The following RAPGEF6 variants were observed in gnomAD, a reference collection of about 807,000 sequenced individuals.
The protein encoded by RAPGEF6 is PDZ domain containing guanine nucleotide exchange factor (GEF) 2.
In RAPGEF6, 56 loss-of-function variants were observed where a neutral mutation model predicts 171.4. The ratio of observed to expected loss-of-function variants is 0.33; its 90% confidence interval spans 0.26 to 0.41. The LOEUF (loss-of-function observed/expected upper bound fraction) is 0.41, where lower values mean the gene tolerates loss of function less well. Among genes scored for constraint, RAPGEF6 ranks in the 10% least tolerant of loss-of-function variants. The probability of loss-of-function intolerance (pLI) is 1.00; values close to 1 mark genes in which losing one functional copy is unlikely to be tolerated. For missense variants in RAPGEF6, 1,674 were observed against 1,921.4 expected (o/e 0.87, Z 2.41); for synonymous variants, 692 against 650.1 (o/e 1.06, Z -0.98).
intron 6 of RAPGEF6, among the ~76,000 whole-genome samples, chr5:131,525,211 A>G (rs932812240): frequency 1.3e-5 from 2 of 152,204 alleles, no homozygotes; most frequent in Admixed American, 1.3e-4. Flanking sequence ...TAATGGAACC[A>G]AAAACTCCAG....
intron 1 of RAPGEF6, among the ~76,000 whole-genome samples, chr5:131,628,809 G>GT (rs1190407799): frequency 6.6e-6 from 1 of 152,122 alleles, no homozygotes; most frequent in African/African-American, 2.4e-5. Context: ...CCTGTGCTCA[G>GT]TAAATAAACA....
chr5:131,559,296 C>T lies in RAPGEF6; in HGVS notation c.351+2682G>A, dbSNP rs572747985. 4.6e-5 allele frequency among the ~76,000 whole-genome samples: 7 copies of T among 151,660 alleles called. No individual in the cohort carries two copies. The South Asian group carries it at 1.5e-3, about 32-fold the overall frequency. ...GTGAGCTGAGATTATGCCACTGCAC[C>T]CCAGCCTAGACGAGAGAGCAAAACT... On this transcript the variant is annotated intron_variant, in intron 5 of 27. Transcript: ENST00000509018.
chr5:131,594,868 G>C (rs371623454), intron 3 of RAPGEF6, among the ~76,000 whole-genome samples: 1 of 151,852 alleles, frequency 6.6e-6, no homozygotes, highest in Non-Finnish European at 1.5e-5. Flanking sequence ...TTTGGAACAG[G>C]AGCATTTACC....
chr5:131,615,338 C>A (rs912513208), intron 1 of RAPGEF6, among the ~76,000 whole-genome samples: 2 of 152,146 alleles, frequency 1.3e-5, no homozygotes, highest in African/African-American at 4.8e-5. Flanking sequence ...ATTTTGTTTA[C>A]ACAGGACAGC....
intron 21 of RAPGEF6, 91 bp from the exon 22 acceptor site, chr5:131,446,794 C>T (rs1445281831): frequency 1.3e-5 from 15 of 1,134,982 alleles, no homozygotes; most frequent in Non-Finnish European, 1.8e-5. Context: ...TCTGTTAATG[C>T]TATTGCATGC....
chr5:131,438,179 T>G (rs1189655524), intron 24 of RAPGEF6, among the ~76,000 whole-genome samples: 2 of 152,132 alleles, frequency 1.3e-5, no homozygotes, highest in Non-Finnish European at 2.9e-5. Flanking sequence ...TTAATAGAGA[T>G]GGGTTTCACC....
chr5:131,504,144 C>G (rs1439013180), intron 11 of RAPGEF6, among the ~76,000 whole-genome samples: 1 of 152,046 alleles, frequency 6.6e-6, no homozygotes, highest in Middle Eastern at 3.2e-3. Flanking sequence ...GGCAATAAGT[C>G]ATCCTTCATC....
At position 131,429,070 on chromosome 5, in the gene RAPGEF6, T is replaced by C. The variant is rs538908124; in HGVS notation, c.4612A>G (p.Arg1538Gly). 5 of 1,614,168 alleles carry C rather than the reference T, an allele frequency of 3.1e-6. No homozygotes were observed. The East Asian group carries it at 8.9e-5, about 29-fold the overall frequency. ...AGGCTGTTATGCATCATCTTTGACC[T>C]CTGCACTGCCACACTATAATCTGGA... The part of the protein sequence containing the change: ...KPPDYSVAVQ[R>G]SKMMHNSLSR... Residue 1538 changes from arginine (R) to glycine (G), a missense_variant, in exon 27 of 28, where the codon AGG becomes GGG. Arg to Gly is a moderately radical substitution (Grantham distance 125, BLOSUM62 -2). Transcript: ENST00000509018.
intron 3 of RAPGEF6, among the ~76,000 whole-genome samples, chr5:131,601,813 C>A (rs1405146711): frequency 6.6e-6 from 1 of 152,014 alleles, no homozygotes; most frequent in Non-Finnish European, 1.5e-5. Flanking sequence ...GCAGGCAGAT[C>A]ATGAGGTCAG....
At chr5:131,606,379 A>C (rs1764581303) in intron 1 of RAPGEF6, among the ~76,000 whole-genome samples, 1 of 152,040 alleles carries the variant, frequency 6.6e-6, no homozygotes, top group Admixed American at 6.6e-5. Context: ...AAAAAAAAAA[A>C]AAAGGCAATA....
At chr5:131,487,854 G>A (rs1439443811) in intron 15 of RAPGEF6, among the ~76,000 whole-genome samples, 2 of 152,080 alleles carry the variant, frequency 1.3e-5, no homozygotes, top group African/African-American at 4.8e-5. Context: ...AGAGTTATTA[G>A]GGCTTTATTA....
At chr5:131,633,687 C>T (rs111601896) in intron 1 of RAPGEF6, among the ~76,000 whole-genome samples, 4 of 149,768 alleles carry the variant, frequency 2.7e-5, no homozygotes, top group African/African-American at 9.8e-5. Context: ...GCCAATATCG[C>T]GCCATTGCAC....
intron 21 of RAPGEF6, among the ~76,000 whole-genome samples, chr5:131,452,708 C>T (rs914515684): frequency 3.3e-5 from 5 of 150,952 alleles, no homozygotes; most frequent in African/African-American, 9.7e-5. Context: ...CCTTGTGATC[C>T]GCCTGCCTCG....
chr5:131,634,954 A>G lies in RAPGEF6; in HGVS notation c.69+8T>C. ...TGTGAGACGCACATAAAGGTCAACC[A>G]GCCTCACCTCGGGAGTCCGCTCGGG... On this transcript the variant is annotated splice_region_variant and intron_variant, in intron 1 of 27. Coordinates refer to ENST00000509018, the MANE Select transcript of RAPGEF6 (RefSeq NM_016340.6). 2.5e-6 allele frequency: 4 copies of G among 1,614,168 alleles called. No individual in the cohort carries two copies. The highest frequency in any genetic ancestry group is 3.4e-6 in the Non-Finnish European group (4 of 1,179,970).
chr5:131,475,736 C>T (rs1341495257), intron 16 of RAPGEF6, among the ~76,000 whole-genome samples: 1 of 152,190 alleles, frequency 6.6e-6, no homozygotes, highest in African/African-American at 2.4e-5. Context: ...ACATTTTTCA[C>T]TTTAATTTTT....
chr5:131,596,531 C>T (rs988559683), intron 3 of RAPGEF6, among the ~76,000 whole-genome samples: 4 of 151,770 alleles, frequency 2.6e-5, no homozygotes, highest in East Asian at 1.9e-4. Context: ...ATGGACAGAT[C>T]GATAGACCTC....
In RAPGEF6 at chr5:131,442,531, T is replaced by C. The variant is rs756659510; in HGVS notation, c.3428A>G (p.Lys1143Arg). The change falls in exon 23 of 28, where the codon AAG (lysine) becomes AGG (arginine). Residue 1143 changes from lysine (K) to arginine (R), a missense_variant. By Grantham distance (26) the Lys-to-Arg change is conservative. This residue lies in a region of RAPGEF6 where 552 missense variants were observed against 574.2 expected (regional missense o/e 0.96). Transcript: ENST00000509018. ...QWEPAYGTLT[K>R]NLSEKRSAKS... ...GGCTGATCTTTTCTCACTTAAATTC[T>C]TGGTCACTAACAGGAGAGAGTAAGA... The C allele has an allele frequency of 1.9e-6, 3 of 1,613,758 alleles. No homozygotes were observed. In the East Asian group the frequency reaches 6.7e-5, roughly 36 times the overall value.
chr5:131,521,294 A>T, intron 7 of RAPGEF6, 96 bp downstream of exon 7: 1 of 1,259,530 alleles, frequency 7.9e-7, no homozygotes, highest in Non-Finnish European at 1.1e-6. Context: ...TGAATTTCAT[A>T]CTCTAAAAGA....
intron 22 of RAPGEF6, among the ~76,000 whole-genome samples, chr5:131,444,593 A>G (rs369536264): frequency 6.6e-6 from 1 of 152,346 alleles, no homozygotes; most frequent in African/African-American, 2.4e-5. Context: ...AAACCAAATT[A>G]AAGGAACATG....
Sources: allele counts gnomAD v4.1 joint callset (sites outside exome capture counted in the v4.1 genomes callset), GRCh38; gene constraint gnomAD v4.1.1; regional missense constraint gnomAD v4.1.1; transcripts MANE v1.5; gene names NCBI Gene and HGNC (gene_info 2026-07-23, HGNC 2026-07-21).